Variants in WDR7 observed in about 807,000 individuals in gnomAD.
The protein encoded by WDR7 is WD repeat domain 7.
A neutral mutation model predicts 169.4 loss-of-function variants in WDR7; 46 were observed. The observed-to-expected ratio is 0.27, with a 90% CI of 0.21 to 0.35. The LOEUF is 0.35. Ranked by LOEUF, WDR7 falls within the 10% of genes least tolerant of loss-of-function variation. WDR7 has a pLI of 1.00. For missense variants in WDR7, 1,534 were observed against 1,859.3 expected (o/e 0.83, Z 3.22); for synonymous variants, 612 against 666.8 (o/e 0.92, Z 1.27).
At chr18:56,812,729 A>C (rs2044893173) in intron 19 of WDR7, among the ~76,000 whole-genome samples, 2 of 152,156 alleles carry the variant, frequency 1.3e-5, no homozygotes, top group Admixed American at 6.5e-5. Flanking sequence ...GGGCAGAAGA[A>C]AAAGGATATC....
intron 26 of WDR7, among the ~76,000 whole-genome samples, chr18:56,992,805 C>T (rs2047837399): frequency 6.6e-6 from 1 of 152,186 alleles, no homozygotes; most frequent in South Asian, 2.1e-4. Context: ...ACTAGAAGTT[C>T]AGGGATACGA....
At chr18:56,923,521 G>T (rs2046758106) in intron 21 of WDR7, among the ~76,000 whole-genome samples, 1 of 152,184 alleles carries the variant, frequency 6.6e-6, no homozygotes, top group Non-Finnish European at 1.5e-5. Context: ...TACTGAGGGG[G>T]AGTATTTTAC....
At chr18:56,912,078 T>TA (rs2145603224) in intron 21 of WDR7, among the ~76,000 whole-genome samples, 1 of 152,324 alleles carries the variant, frequency 6.6e-6, no homozygotes, top group South Asian at 2.1e-4. Context: ...CACGGATGTT[T>TA]AATGGTGTAT....
chr18:56,883,636 T>C lies in WDR7; in HGVS notation c.3526+3471T>C, dbSNP rs2046144584. 2.6e-5 allele frequency among the ~76,000 whole-genome samples: 4 copies of C among 152,034 alleles called. No individual in the cohort carries two copies. In the South Asian group the frequency reaches 8.3e-4, roughly 32 times the overall value. Reference sequence around the variant, plus strand: ...CCCTACCAGTGCACACTGTACCCAGTGTGCAATCTTTTATCCCTCACCCCT... The same window carrying C: ...CCCTACCAGTGCACACTGTACCCAGCGTGCAATCTTTTATCCCTCACCCCT... On this transcript the variant is annotated intron_variant, in intron 21 of 27. Coordinates refer to ENST00000254442, the MANE Select transcript of WDR7 (RefSeq NM_015285.3).
intron 26 of WDR7, among the ~76,000 whole-genome samples, chr18:57,008,990 C>A (rs1030222413): frequency 6.6e-6 from 1 of 151,994 alleles, no homozygotes; most frequent in Admixed American, 6.6e-5. Flanking sequence ...ATAAAACCAG[C>A]AAAGACAAAT....
In WDR7 at chr18:56,696,291, T is replaced by C. The variant is rs944805801; in HGVS notation, c.1407T>C (p.Cys469=). 6 of 1,614,078 alleles carry C rather than the reference T, an allele frequency of 3.7e-6. No individual in the cohort carries two copies. ...TLRGHRNKVT[C]LLYPHQVSAR... ...GTGGTCATCGGAACAAAGTCACATG[T>C]TTGCTATATCCTCATCAGGTCTCAG... The change falls in exon 12 of 28, where the codon TGT becomes TGC. Residue 469 remains cysteine (C), a synonymous_variant. Coordinates refer to ENST00000254442, the MANE Select transcript of WDR7 (RefSeq NM_015285.3).
At chr18:56,658,172 C>T (rs1297035616) in intron 1 of WDR7, among the ~76,000 whole-genome samples, 7 of 152,006 alleles carry the variant, frequency 4.6e-5, no homozygotes, top group South Asian at 2.1e-4. Flanking sequence ...GGTATGATCT[C>T]GGCTCACTGC....
intron 22 of WDR7, among the ~76,000 whole-genome samples, chr18:56,928,537 A>G (rs923955012): frequency 2.0e-5 from 3 of 152,216 alleles, no homozygotes; most frequent in African/African-American, 7.2e-5. Context: ...GGTCAGATAA[A>G]GAATTGGTGT....
intron 1 of WDR7, among the ~76,000 whole-genome samples, chr18:56,654,288 C>T (rs867637817): frequency 9.2e-5 from 14 of 152,050 alleles, no homozygotes; most frequent in Non-Finnish European, 1.6e-4. Context: ...CGCGCCACTA[C>T]GCCCAGCTAA....
At chr18:56,929,689 G>T (rs1035553917) in intron 22 of WDR7, among the ~76,000 whole-genome samples, 2 of 152,158 alleles carry the variant, frequency 1.3e-5, no homozygotes, top group African/African-American at 4.8e-5. Context: ...CTTATGTGAG[G>T]AAATTTTTAA....
intron 17 of WDR7, among the ~76,000 whole-genome samples, chr18:56,778,685 G>A (rs1448019576): frequency 6.6e-6 from 1 of 152,116 alleles, no homozygotes; most frequent in Non-Finnish European, 1.5e-5. Flanking sequence ...GGCATACAGT[G>A]TTTGTCTTTT....
In WDR7 at chr18:56,682,848, C is replaced by T. The variant is rs2025375829; in HGVS notation, c.515C>T (p.Thr172Ile). 6.2e-7 allele frequency: 1 copy of T among 1,613,262 alleles called. No individual in the cohort carries two copies. The highest frequency in any genetic ancestry group is 1.3e-5 in the African/African-American group (1 of 74,904). ...ATGAGTATTATTCGATCCCACCGAA[C>T]ACAAGGTCAGTGTATTATGCCTGTT... ...SSMSIIRSHR[T>I]QEDTVVALSV... The change falls in exon 5 of 28, where the codon ACA (threonine) becomes ATA (isoleucine). Residue 172 changes from threonine to isoleucine, a missense_variant. Thr to Ile is a moderately conservative substitution (Grantham distance 89). Coordinates refer to ENST00000254442, the MANE Select transcript of WDR7 (RefSeq NM_015285.3).
chr18:56,731,439 G>A lies in WDR7; in HGVS notation c.1831G>A (p.Asp611Asn), dbSNP rs1245509034. 1.9e-6 allele frequency: 3 copies of A among 1,614,070 alleles called. No homozygotes were observed. The highest frequency in any genetic ancestry group is 2.7e-5 in the African/African-American group (2 of 74,930). Reference sequence around the variant, plus strand: ...AGCAGTTGAGATTCTAAACGCTTGTGATGAAGCTGTTCCTGCTGCTGTTGA... The same window carrying A: ...AGCAGTTGAGATTCTAAACGCTTGTAATGAAGCTGTTCCTGCTGCTGTTGA... ...ITAVEILNACDEAVPAAVDSL... is the reference protein window; with the variant it reads ...ITAVEILNACNEAVPAAVDSL... The change falls in exon 14 of 28, where the codon GAT (aspartate) becomes AAT (asparagine). Residue 611 changes from aspartate to asparagine, a missense_variant. Transcript: ENST00000254442.
rs183506016 is a variant in WDR7, at chr18:56,739,317, C to T, written c.1989+7720C>T. 3.1e-3 allele frequency among the ~76,000 whole-genome samples: 474 copies of T among 152,160 alleles called. 2 individuals are homozygous for T. The highest frequency in any genetic ancestry group is 5.0e-3 in the Non-Finnish European group (339 of 67,974). Reference sequence around the variant, plus strand: ...GTTTTTGCCCTAGAGATTGTAAGTACATCTTTGACTTATTACAGTCTAAAA... The same window carrying T: ...GTTTTTGCCCTAGAGATTGTAAGTATATCTTTGACTTATTACAGTCTAAAA... On this transcript the variant is annotated intron_variant, in intron 14 of 27. Transcript: ENST00000254442.
intron 25 of WDR7, among the ~76,000 whole-genome samples, chr18:56,953,953 C>CTA (rs1189929837): frequency 6.6e-6 from 1 of 152,144 alleles, no homozygotes. Flanking sequence ...TTTTACATTG[C>CTA]ATATTTCATG....
chr18:57,018,398 A>C (rs2048238090), intron 26 of WDR7, among the ~76,000 whole-genome samples: 1 of 152,248 alleles, frequency 6.6e-6, no homozygotes, highest in Admixed American at 6.5e-5. Flanking sequence ...AAATGCCAGG[A>C]GGGACCAGGT....
intron 26 of WDR7, among the ~76,000 whole-genome samples, chr18:56,963,010 T>C (rs2047358360): frequency 6.6e-6 from 1 of 152,180 alleles, no homozygotes; most frequent in Non-Finnish European, 1.5e-5. Context: ...ATACATGCTG[T>C]ACTTGAAATA....
chr18:56,949,061 A>G (rs1482414367), intron 25 of WDR7, among the ~76,000 whole-genome samples: 2 of 151,792 alleles, frequency 1.3e-5, no homozygotes, highest in African/African-American at 4.8e-5. Flanking sequence ...CACTTCATCC[A>G]GTTTGTCACC....
At position 56,731,385 on chromosome 18, in the gene WDR7, G is replaced by A; in HGVS notation, c.1777G>A (p.Ala593Thr). 6.2e-7 allele frequency: 1 copy of A among 1,612,108 alleles called. No homozygotes were observed. Among genetic ancestry groups the A allele is most frequent in the Non-Finnish European group, 8.5e-7 (1 of 1,178,354 alleles). The change falls in exon 14 of 28, where the codon GCA becomes ACA. Residue 593 changes from alanine (A) to threonine (T), a missense_variant and splice_region_variant. Transcript: ENST00000254442. The stretch of plus-strand genomic sequence containing the variant: ...TTGTGAATATATTTTTCTCGCAGGT[G>A]CATTGGATCGTTGTGTGATGGGGAT... ...SVYVWQMDTG[A>T]LDRCVMGITA...
Sources: allele counts gnomAD v4.1 joint callset (sites outside exome capture counted in the v4.1 genomes callset), GRCh38; gene constraint gnomAD v4.1.1; transcripts MANE v1.5; gene names NCBI Gene and HGNC (gene_info 2026-07-23, HGNC 2026-07-21).